The following CUX2 variants were observed in gnomAD, a reference collection of about 807,000 sequenced individuals.
CUX2 encodes the protein homeobox protein cut-like 2.
Under a neutral mutation model 144.8 loss-of-function variants are expected in CUX2, and 40 were observed. The observed-to-expected ratio is 0.28, with a 90% CI of 0.21 to 0.36. The LOEUF (loss-of-function observed/expected upper bound fraction) is 0.36, where lower values mean the gene tolerates loss of function less well. CUX2 is among the 10% of genes least tolerant of loss of function. The pLI, the probability that CUX2 is intolerant of heterozygous loss-of-function variation, is 1.00. For synonymous variants in CUX2, 827 were observed against 875.6 expected, an observed-to-expected ratio of 0.94 and a Z score of 0.98; for missense variants, 1,615 against 1,994.0, an observed-to-expected ratio of 0.81 and a Z score of 3.62.
intron 1 of CUX2, among the ~76,000 whole-genome samples, chr12:111,091,008 C>T (rs1426879153): frequency 2.0e-5 from 3 of 152,136 alleles, no homozygotes; most frequent in East Asian, 1.9e-4. Flanking sequence ...GTTAAGGCCA[C>T]GGGGGAGTGA....
At chr12:111,298,617 G>A in intron 9 of CUX2, 28 bp downstream of exon 9, 1 of 1,555,456 alleles carries the variant, frequency 6.4e-7, no homozygotes, top group Non-Finnish European at 8.7e-7. Context: ...CCACCCGTGG[G>A]TGCCAGAGGC....
chr12:111,319,020 G>A (rs1280005162), intron 16 of CUX2, among the ~76,000 whole-genome samples: 1 of 152,044 alleles, frequency 6.6e-6, no homozygotes, highest in Non-Finnish European at 1.5e-5. Context: ...ATTGCTATTA[G>A]AACAAGTGAA....
At chr12:111,075,863 A>G (rs766745505) in intron 1 of CUX2, among the ~76,000 whole-genome samples, 4 of 152,166 alleles carry the variant, frequency 2.6e-5, no homozygotes, top group Non-Finnish European at 5.9e-5. Context: ...AATAGTCTCC[A>G]TCAGACCAAG....
chr12:111,259,059 GTGTGTGTGTGTGTT>G (rs1883979375), intron 3 of CUX2, among the ~76,000 whole-genome samples: 1 of 151,152 alleles, frequency 6.6e-6, no homozygotes, highest in Non-Finnish European at 1.5e-5. Flanking sequence ...GTGTGTGTGT[GTGTGTGTGTGTGTT>G]TGTGTGTGTG....
At chr12:111,216,538 G>A (rs1279704297) in intron 2 of CUX2, among the ~76,000 whole-genome samples, 1 of 152,218 alleles carries the variant, frequency 6.6e-6, no homozygotes, top group Non-Finnish European at 1.5e-5. Flanking sequence ...GTGCAACCCA[G>A]AGGTTCCGTG....
intron 4 of CUX2, among the ~76,000 whole-genome samples, chr12:111,269,822 G>T (rs1884553823): frequency 6.6e-6 from 1 of 152,094 alleles, no homozygotes; most frequent in African/African-American, 2.4e-5. Context: ...GGAGCAGGAA[G>T]GTCATTCCAA....
At chr12:111,278,861 C>T (rs1030393160) in intron 4 of CUX2, among the ~76,000 whole-genome samples, 2 of 152,128 alleles carry the variant, frequency 1.3e-5, no homozygotes, top group Admixed American at 1.3e-4. Flanking sequence ...CCAAGCTGCC[C>T]GGCAGAGCAT....
chr12:111,080,145 C>T (rs1038874038), intron 1 of CUX2, among the ~76,000 whole-genome samples: 9 of 152,128 alleles, frequency 5.9e-5, no homozygotes, highest in Non-Finnish European at 1.2e-4. Context: ...TGGCTGTTCC[C>T]TCTGCCCACG....
chr12:111,091,789 T>C (rs1872569141), intron 1 of CUX2, among the ~76,000 whole-genome samples: 1 of 152,212 alleles, frequency 6.6e-6, no homozygotes, highest in Admixed American at 6.5e-5. Context: ...TTCTGGTGGC[T>C]GCCGGCCCTG....
Position 111,312,340 on chromosome 12 carries a change from A to G in CUX2, c.2002+139A>G, listed in dbSNP as rs1886949818. 1.5e-6 allele frequency: 1 copy of G among 652,636 alleles called. No individual in the cohort carries two copies. Among genetic ancestry groups the G allele is most frequent in the African/African-American group, 1.8e-5 (1 of 54,916 alleles). The allele number at this position is 652,636 out of a possible 1,614,324, so 40.4% of individuals were successfully genotyped here. A position where few individuals can be genotyped will look rare whatever the true frequency, so the allele number is the denominator to read the frequency against. ...CACCAGAGGCCAGAGGGACCTGTCT[A>G]GAGCGCATGGGTAGCTGTGGCACTG... is the stretch of plus-strand genomic sequence containing the variant. On this transcript the variant is annotated intron_variant, in intron 16 of 21. Coordinates refer to ENST00000261726, the MANE Select transcript of CUX2 (RefSeq NM_015267.4). This position sits in a 1 kb window ranked among gnomAD's most constrained non-coding sequence, Gnocchi z 4.3.
intron 1 of CUX2, among the ~76,000 whole-genome samples, chr12:111,115,250 T>G (rs1000548227): frequency 6.6e-6 from 1 of 151,872 alleles, no homozygotes; most frequent in African/African-American, 2.4e-5. Flanking sequence ...GCGTTGAATC[T>G]GTAGATCAAT....
chr12:111,062,367 C>A (rs1870819761), intron 1 of CUX2, among the ~76,000 whole-genome samples: 1 of 152,222 alleles, frequency 6.6e-6, no homozygotes, highest in South Asian at 2.1e-4. Flanking sequence ...GGGGCTTGTA[C>A]TATGAACATT....
chr12:111,329,249 C>T (rs73418759), intron 18 of CUX2, among the ~76,000 whole-genome samples: 3,623 of 151,402 alleles, frequency 0.024, 137 homozygotes, highest in East Asian at 0.1. Flanking sequence ...CTCCTGTCCC[C>T]AGCTGCCCAC....
At chr12:111,216,624 T>C (rs527476654) in intron 2 of CUX2, among the ~76,000 whole-genome samples, 1 of 152,340 alleles carries the variant, frequency 6.6e-6, no homozygotes, top group East Asian at 1.9e-4. Flanking sequence ...GCCTCCCTCG[T>C]AGCTGCTTCC....
At chr12:111,127,432 A>T (rs559506822) in intron 1 of CUX2, among the ~76,000 whole-genome samples, 8 of 152,108 alleles carry the variant, frequency 5.3e-5, no homozygotes, top group Admixed American at 4.6e-4. Context: ...TCTTACCCCC[A>T]TTGTGGCCTA....
chr12:111,104,653 G>A (rs1329054905), intron 1 of CUX2, among the ~76,000 whole-genome samples: 1 of 152,210 alleles, frequency 6.6e-6, no homozygotes, highest in Non-Finnish European at 1.5e-5. Context: ...AAAGGATCTG[G>A]CACGCAGTAT....
chr12:111,321,652 A>G (rs1887540133), intron 17 of CUX2, among the ~76,000 whole-genome samples: 1 of 152,152 alleles, frequency 6.6e-6, no homozygotes, highest in Admixed American at 6.6e-5. Flanking sequence ...AGTGCACTCC[A>G]GCCTGGGCAA....
At chr12:111,218,808 AG>A (rs1413184459) in intron 3 of CUX2, among the ~76,000 whole-genome samples, 2 of 152,212 alleles carry the variant, frequency 1.3e-5, no homozygotes, top group Admixed American at 1.3e-4. Flanking sequence ...TGCTGTCCTC[AG>A]TAAATAATTT....
intron 4 of CUX2, among the ~76,000 whole-genome samples, chr12:111,290,971 T>C (rs985363294): frequency 7.9e-5 from 12 of 151,998 alleles, no homozygotes; most frequent in Admixed American, 7.2e-4. Flanking sequence ...CAAGCGAGTC[T>C]CCTGCTTCAG....
Sources: gnomAD v4.1 joint callset for allele counts (sites outside exome capture counted in the v4.1 genomes callset) on GRCh38, gnomAD v4.1.1 for gene constraint, Gnocchi (gnomAD v3.1) non-coding constraint, MANE v1.5 for transcripts, NCBI Gene and HGNC (gene_info 2026-07-23, HGNC 2026-07-21) for gene names.